The following SULF1 variants were observed in gnomAD, a reference collection of about 807,000 sequenced individuals.
SULF1 encodes the protein extracellular sulfatase Sulf-1.
SULF1 carries 46 observed loss-of-function variants against 110.5 expected under a neutral mutation model. The ratio of observed to expected loss-of-function variants is 0.42; its 90% confidence interval spans 0.33 to 0.53. The LOEUF is 0.53. Among genes scored for constraint, SULF1 ranks in the 20% least tolerant of loss-of-function variants. The probability of loss-of-function intolerance (pLI) is 0.12; values close to 1 mark genes in which losing one functional copy is unlikely to be tolerated. For missense variants in SULF1, 941 were observed against 1,094.2 expected (o/e 0.86, Z 1.98); for synonymous variants, 371 against 387.1 (o/e 0.96, Z 0.49).
intron 3 of SULF1, among the ~76,000 whole-genome samples, chr8:69,518,070 C>T (rs538857587): frequency 6.8e-4 from 104 of 152,250 alleles, no homozygotes; most frequent in African/African-American, 2.4e-3. Context: ...AACATATCTG[C>T]AAACTTTTAA....
intron 13 of SULF1, among the ~76,000 whole-genome samples, chr8:69,620,462 A>G (rs1445032628): frequency 6.6e-6 from 1 of 152,158 alleles, no homozygotes; most frequent in Non-Finnish European, 1.5e-5. Flanking sequence ...CCATATCACA[A>G]TGTTCTTAGA....
intron 2 of SULF1, among the ~76,000 whole-genome samples, chr8:69,499,061 G>C (rs1968555): frequency 0.37 from 56,067 of 151,940 alleles, 11,044 homozygotes; most frequent in East Asian, 0.73. Context: ...GTTTCACAAT[G>C]TTGCCCAGGC....
intron 3 of SULF1, among the ~76,000 whole-genome samples, chr8:69,552,144 T>C (rs911689355): frequency 1.3e-5 from 2 of 152,126 alleles, no homozygotes; most frequent in East Asian, 3.9e-4. Flanking sequence ...AATGCTGGAG[T>C]AATTAACAAG....
chr8:69,637,910 A>G (rs1811179258), intron 19 of SULF1: 1 of 152,896 alleles, frequency 6.5e-6, no homozygotes, highest in Non-Finnish European at 1.5e-5. Context: ...CATACATTCT[A>G]CAAGTTAACC....
chr8:69,474,621 A>G (rs1809226990), intron 1 of SULF1, among the ~76,000 whole-genome samples: 1 of 152,322 alleles, frequency 6.6e-6, no homozygotes, highest in South Asian at 2.1e-4. Flanking sequence ...ATAACAGATA[A>G]ATAAAAGCAT....
At chr8:69,584,543 A>G (rs562008281) in intron 6 of SULF1, 2 of 152,378 alleles carry the variant, frequency 1.3e-5, no homozygotes, top group African/African-American at 4.8e-5. Flanking sequence ...TGACATCCCA[A>G]TAAACCCATC....
At position 69,658,502 on chromosome 8, in the gene SULF1, C is replaced by G; in HGVS notation, c.2586-3C>G. 6.3e-7 allele frequency: 1 copy of G among 1,580,122 alleles called. No homozygotes were observed. The highest frequency in any genetic ancestry group is 8.6e-7 in the Non-Finnish European group (1 of 1,163,894). On this transcript the variant is annotated splice_region_variant and splice_polypyrimidine_tract_variant and intron_variant, in intron 22 of 22. Transcript: ENST00000402687. ...TGATTCACCTTCTTCTCTCTTTTCA[C>G]AGAGGACAGTTATGGGATGGATGGG...
chr8:69,553,321 A>G (rs1006269282), intron 3 of SULF1, among the ~76,000 whole-genome samples: 1 of 152,238 alleles, frequency 6.6e-6, no homozygotes, highest in Non-Finnish European at 1.5e-5. Context: ...GGAGGGCCAG[A>G]CGCATGTCAA....
intron 22 of SULF1, among the ~76,000 whole-genome samples, chr8:69,650,537 G>C (rs766436279): frequency 7.9e-5 from 12 of 152,154 alleles, no homozygotes; most frequent in Non-Finnish European, 1.8e-4. Context: ...CAGTTACTCA[G>C]AGGCAGAGCT....
chr8:69,553,451 C>T (rs1054823919), intron 3 of SULF1, among the ~76,000 whole-genome samples: 3 of 152,178 alleles, frequency 2.0e-5, no homozygotes, highest in African/African-American at 7.2e-5. Context: ...GACTGGAGGC[C>T]TCAGTAAACT....
chr8:69,473,306 C>T (rs188674686), intron 1 of SULF1: 1 of 152,268 alleles, frequency 6.6e-6, no homozygotes, highest in Non-Finnish European at 1.5e-5. Flanking sequence ...CTTGGACATG[C>T]TACTGTTTAA....
At chr8:69,656,659 T>C (rs1200911042) in intron 22 of SULF1, among the ~76,000 whole-genome samples, 3 of 152,240 alleles carry the variant, frequency 2.0e-5, no homozygotes. Context: ...ATCTCATTCC[T>C]TTTTATGGCT....
intron 3 of SULF1, among the ~76,000 whole-genome samples, chr8:69,550,749 G>C (rs80089511): frequency 6.6e-6 from 1 of 152,126 alleles, no homozygotes; most frequent in South Asian, 2.1e-4. Flanking sequence ...ATCAGACCAC[G>C]TGTCCCAATT....
Position 69,657,633 on chromosome 8 carries a change from C to A in SULF1, c.2586-872C>A, listed in dbSNP as rs150254977. ...TCAACGTTTTTTATCTACACGTGAT[C>A]TGAAGATTGTAGGATTCTCTATCTT... On this transcript the variant is annotated intron_variant, in intron 22 of 22. Coordinates refer to ENST00000402687, the MANE Select transcript of SULF1 (RefSeq NM_001128205.2). Among the ~76,000 whole-genome samples the A allele has an allele frequency of 3.9e-4, 59 of 152,326 alleles. 1 individual carries two copies. The highest frequency in any genetic ancestry group is 6.8e-3 in the Middle Eastern group (2 of 294).
intron 14 of SULF1, among the ~76,000 whole-genome samples, chr8:69,623,669 C>T (rs1050005103): frequency 1.7e-4 from 26 of 152,206 alleles, no homozygotes; most frequent in African/African-American, 5.3e-4. Context: ...TGGACTAACC[C>T]CCTCACTTGA....
At chr8:69,524,405 A>G (rs1237773844) in intron 3 of SULF1, among the ~76,000 whole-genome samples, 2 of 152,148 alleles carry the variant, frequency 1.3e-5, no homozygotes, top group African/African-American at 4.8e-5. Flanking sequence ...AGCAGTTCAC[A>G]TGGTGAGAGA....
At chr8:69,525,386 G>A (rs1296230369) in intron 3 of SULF1, among the ~76,000 whole-genome samples, 1 of 152,166 alleles carries the variant, frequency 6.6e-6, no homozygotes, top group African/African-American at 2.4e-5. Flanking sequence ...TTTCCCTGGA[G>A]TAAGTTTCCT....
At chr8:69,528,600 A>G (rs1481065956) in intron 3 of SULF1, among the ~76,000 whole-genome samples, 1 of 152,228 alleles carries the variant, frequency 6.6e-6, no homozygotes, top group Non-Finnish European at 1.5e-5. Flanking sequence ...GCTTTTATAA[A>G]TCCAACTTTT....
chr8:69,600,896 T>A, intron 9 of SULF1, 143 bp downstream of exon 9: 1 of 967,650 alleles, frequency 1.0e-6, no homozygotes, highest in Non-Finnish European at 1.5e-6. Context: ...AGTATGTGTT[T>A]AGTGGCTTAA....
Sources: allele counts gnomAD v4.1 joint callset (sites outside exome capture counted in the v4.1 genomes callset), GRCh38; gene constraint gnomAD v4.1.1; transcripts MANE v1.5; gene names NCBI Gene and HGNC (gene_info 2026-07-23, HGNC 2026-07-21).